The following B3GAT2 variants were observed in gnomAD, a reference collection of about 807,000 sequenced individuals.
B3GAT2 encodes beta-1,3-glucuronyltransferase 2.
B3GAT2 carries 26 observed loss-of-function variants against 27.8 expected under a neutral mutation model. The observed-to-expected ratio is 0.93, with a 90% CI of 0.68 to 1.30. B3GAT2 has a LOEUF of 1.30. B3GAT2 is among the 50% of genes most tolerant of loss of function. The pLI is 0.00. For missense variants in B3GAT2, 458 were observed against 459.0 expected (o/e 1.00, Z 0.02); for synonymous variants, 218 against 195.1 (o/e 1.12, Z -0.98).
At chr6:70,904,414 A>G (rs777415222) in intron 1 of B3GAT2, among the ~76,000 whole-genome samples, 2 of 152,224 alleles carry the variant, frequency 1.3e-5, no homozygotes, top group Admixed American at 6.5e-5. Flanking sequence ...ACGATTAAAG[A>G]GCCTAGAAAA....
Position 70,857,002 on chromosome 6 carries a change from A to G in B3GAT2, c.*4661T>C, listed in dbSNP as rs746712952. ...ACTCCATCTTATCTCTGTATGGCAC[A>G]GGAACCATTCAACAGCAAAGTACTC... On this transcript the variant is annotated 3_prime_UTR_variant, in exon 4 of 4. Coordinates refer to ENST00000230053, the MANE Select transcript of B3GAT2 (RefSeq NM_080742.3). 242 of 1,611,780 alleles carry G rather than the reference A, an allele frequency of 1.5e-4. No individual in the cohort carries two copies. Among genetic ancestry groups the G allele is most frequent in the Non-Finnish European group, 2.0e-4 (235 of 1,178,950 alleles).
At chr6:70,908,953 C>T (rs1490964720) in intron 1 of B3GAT2, among the ~76,000 whole-genome samples, 3 of 152,148 alleles carry the variant, frequency 2.0e-5, no homozygotes, top group African/African-American at 4.8e-5. Context: ...AAAAGGTAGA[C>T]ACTTCCCAAA....
At chr6:70,929,598 C>T (rs957350906) in intron 1 of B3GAT2, among the ~76,000 whole-genome samples, 4 of 152,132 alleles carry the variant, frequency 2.6e-5, no homozygotes, top group African/African-American at 9.7e-5. Context: ...TTCACAATTG[C>T]TTCAAAGAGA....
At chr6:70,887,012 A>C (rs1772199833) in intron 2 of B3GAT2, among the ~76,000 whole-genome samples, 1 of 152,192 alleles carries the variant, frequency 6.6e-6, no homozygotes, top group Admixed American at 6.5e-5. Flanking sequence ...GTACCACATG[A>C]CACATCAAGT....
chr6:70,940,467 A>G (rs1289059496), intron 1 of B3GAT2, among the ~76,000 whole-genome samples: 1 of 152,056 alleles, frequency 6.6e-6, no homozygotes, highest in Non-Finnish European at 1.5e-5. Context: ...AATGACCTTA[A>G]AATACTGCTT....
intron 1 of B3GAT2, among the ~76,000 whole-genome samples, chr6:70,942,840 C>T (rs192945952): frequency 6.6e-6 from 1 of 152,244 alleles, no homozygotes. Flanking sequence ...CAGAGTAATA[C>T]AGTAGTACTG....
chr6:70,949,436 A>T (rs1448055076), intron 1 of B3GAT2, among the ~76,000 whole-genome samples: 1 of 152,178 alleles, frequency 6.6e-6, no homozygotes, highest in Non-Finnish European at 1.5e-5. Context: ...TTATGCAGCC[A>T]AAAGACACAT....
chr6:70,897,893 T>C (rs966688060), intron 1 of B3GAT2, among the ~76,000 whole-genome samples: 2 of 152,092 alleles, frequency 1.3e-5, no homozygotes, highest in Non-Finnish European at 2.9e-5. Flanking sequence ...GAGCCGCCAT[T>C]ACAACTTTTT....
At chr6:70,916,457 G>C (rs139749995) in intron 1 of B3GAT2, among the ~76,000 whole-genome samples, 2 of 152,324 alleles carry the variant, frequency 1.3e-5, no homozygotes, top group South Asian at 2.1e-4. Flanking sequence ...TGGTGAGAGA[G>C]AGCATCCTTG....
At position 70,876,353 on chromosome 6, in the gene B3GAT2, A is replaced by G. The variant is rs923722051; in HGVS notation, c.737-14375T>C. ...TGTTGGTTTCTGACTGGAAATCTTC[A>G]GAGTTTCCTAAAGACCTATTTTAAT... On this transcript the variant is annotated intron_variant, in intron 2 of 3. Coordinates refer to ENST00000230053, the MANE Select transcript of B3GAT2 (RefSeq NM_080742.3). Among the ~76,000 whole-genome samples the G allele has an allele frequency of 2.6e-4, 39 of 152,206 alleles. 1 individual carries two copies. Among genetic ancestry groups the G allele is most frequent in the African/African-American group, 7.5e-4 (31 of 41,448 alleles).
chr6:70,941,278 C>T (rs934685370), intron 1 of B3GAT2, among the ~76,000 whole-genome samples: 2 of 152,134 alleles, frequency 1.3e-5, no homozygotes, highest in East Asian at 1.9e-4. Flanking sequence ...CTGGTATACC[C>T]TCAATTAGGG....
chr6:70,911,131 C>T (rs1582374715), intron 1 of B3GAT2, among the ~76,000 whole-genome samples: 1 of 152,056 alleles, frequency 6.6e-6, no homozygotes, highest in Admixed American at 6.6e-5. Flanking sequence ...TGTTTACTCT[C>T]TTGATAGTTT....
At chr6:70,902,906 G>C (rs1286408905) in intron 1 of B3GAT2, among the ~76,000 whole-genome samples, 1 of 151,926 alleles carries the variant, frequency 6.6e-6, no homozygotes, top group African/African-American at 2.4e-5. Flanking sequence ...GGGGTGGCAG[G>C]GGGGCTGGTG....
chr6:70,867,011 A>G (rs1771862259), intron 2 of B3GAT2, among the ~76,000 whole-genome samples: 1 of 152,210 alleles, frequency 6.6e-6, no homozygotes, highest in African/African-American at 2.4e-5. Context: ...AGTAAATACA[A>G]AGATACCTGG....
chr6:70,943,744 G>T (rs1363769254), intron 1 of B3GAT2, among the ~76,000 whole-genome samples: 4 of 152,232 alleles, frequency 2.6e-5, no homozygotes, highest in Non-Finnish European at 4.4e-5. Context: ...ATAAATCAGA[G>T]ATAGTGAGAG....
chr6:70,942,911 G>C (rs1014309215), intron 1 of B3GAT2, among the ~76,000 whole-genome samples: 3 of 152,154 alleles, frequency 2.0e-5, no homozygotes, highest in African/African-American at 7.2e-5. Context: ...TCAGCATTTA[G>C]CACACTCAGC....
At chr6:70,934,288 TA>T (rs1334054547) in intron 1 of B3GAT2, among the ~76,000 whole-genome samples, 1 of 152,170 alleles carries the variant, frequency 6.6e-6, no homozygotes, top group African/African-American at 2.4e-5. Flanking sequence ...ACATACGGCA[TA>T]AGCTTTCCTA....
At chr6:70,919,449 C>T (rs748073105) in intron 1 of B3GAT2, among the ~76,000 whole-genome samples, 2 of 152,158 alleles carry the variant, frequency 1.3e-5, no homozygotes, top group Non-Finnish European at 2.9e-5. Flanking sequence ...CCCTTGCTGG[C>T]GAGGAGTTGT....
chr6:70,904,711 T>C (rs908696474), intron 1 of B3GAT2, among the ~76,000 whole-genome samples: 1 of 152,170 alleles, frequency 6.6e-6, no homozygotes, highest in Non-Finnish European at 1.5e-5. Flanking sequence ...CATCGATGGA[T>C]TAAAACACAT....
Sources: gnomAD v4.1 joint callset for allele counts (sites outside exome capture counted in the v4.1 genomes callset) on GRCh38, gnomAD v4.1.1 for gene constraint, MANE v1.5 for transcripts, NCBI Gene and HGNC (gene_info 2026-07-23, HGNC 2026-07-21) for gene names.